PRAMEF17: variants seen among roughly 807,000 people sequenced by gnomAD.
PRAMEF17 encodes the protein PRAME family member 17.
PRAMEF17 carries 48 observed loss-of-function variants against 36.8 expected under a neutral mutation model. That is an observed-to-expected ratio of 1.30 (90% CI 1.03 to 1.66). The LOEUF (loss-of-function observed/expected upper bound fraction) is 1.66, where lower values mean the gene tolerates loss of function less well. Among genes scored for constraint, PRAMEF17 ranks in the 40% most tolerant of loss-of-function variants. The pLI is 0.00. For missense variants in PRAMEF17, 639 were observed against 560.6 expected, an observed-to-expected ratio of 1.14 and a Z score of -1.41; for synonymous variants, 246 against 220.4, an observed-to-expected ratio of 1.12 and a Z score of -1.03.
intron 2 of PRAMEF17, among the ~76,000 whole-genome samples, chr1:13,391,685 C>A (rs1640882248): frequency 6.6e-6 from 1 of 152,160 alleles, no homozygotes; most frequent in East Asian, 1.9e-4. Flanking sequence ...GCTGAAAGGA[C>A]TGAGCCTAAA....
rs1157495521 is a variant in PRAMEF17, at chr1:13,390,606, G to C, written c.553G>C (p.Val185Leu). 3 of 1,611,972 alleles carry C rather than the reference G, an allele frequency of 1.9e-6. No individual in the cohort carries two copies. The South Asian group carries it at 3.3e-5, about 18-fold the overall frequency. The change falls in exon 2 of 3, where the codon GTG (valine) becomes CTG (leucine). Residue 185 changes from valine to leucine, a missense_variant. Transcript: ENST00000376098. The part of the protein sequence containing the change: ...RGLVHLCCNK[V>L]QNYSMPTSSF... ...TCTAGTGCACCTGTGTTGTAATAAG[G>C]TGCAGAATTACTCAATGCCCACTTC...
chr1:13,389,751 C>T lies in PRAMEF17; in HGVS notation c.94C>T (p.Pro32Ser). The T allele has an allele frequency of 6.2e-7, 1 of 1,612,350 alleles. No homozygotes were observed. The highest frequency in any genetic ancestry group is 8.5e-7 in the Non-Finnish European group (1 of 1,179,980). ...GACCATCTTCATCCTGGACGAGCTG[C>T]CCAGGGAGGTCTTCCCTCTGATGTT... ...FLTIFILDEL[P>S]REVFPLMFME... The change falls in exon 1 of 3, where the codon CCC becomes TCC. Residue 32 changes from proline (P) to serine (S), a missense_variant. Transcript: ENST00000376098.
In PRAMEF17 at chr1:13,389,866, T is replaced by G; in HGVS notation, c.209T>G (p.Met70Arg). The G allele has an allele frequency of 1.2e-6, 2 of 1,613,620 alleles. No homozygotes were observed. The highest frequency in any genetic ancestry group is 8.5e-7 in the Non-Finnish European group (1 of 1,180,018). Residue 70 changes from methionine to arginine, a missense_variant, in exon 1 of 3, where the codon ATG becomes AGG. By Grantham distance (91) the Met-to-Arg change is moderately conservative. Transcript: ENST00000376098. ...PFLRLPLGSL[M>R]KTPHLETLQA... The stretch of plus-strand genomic sequence containing the variant: ...CTCCGCCTCCCTCTGGGATCCCTGA[T>G]GAAGACACCTCATCTGGAGACCTTG...
intron 1 of PRAMEF17, 151 bp downstream of exon 1, chr1:13,390,095 T>C (rs1640859763): frequency 7.2e-7 from 1 of 1,384,960 alleles, no homozygotes; most frequent in Non-Finnish European, 9.9e-7. Context: ...CCAGATCCTC[T>C]GGAAAAGGAC....
At position 13,390,859 on chromosome 1, in the gene PRAMEF17, C is replaced by A; in HGVS notation, c.806C>A (p.Pro269His). ...TGTCCATTCCTCTGCCTGTACTACC[C>A]TCAGATGCTTTATATAAGAAAGATC... Reference protein sequence around the residue: ...LDCPFLCLYYPQMLYIRKISN... With the variant: ...LDCPFLCLYYHQMLYIRKISN... Residue 269 changes from proline (P) to histidine (H), a missense_variant, in exon 2 of 3, where the codon CCT (proline) becomes CAT (histidine). Pro to His is a moderately conservative substitution (Grantham distance 77, BLOSUM62 -2). Coordinates refer to ENST00000376098, the MANE Select transcript of PRAMEF17 (RefSeq NM_001099851.3). 1 of 1,612,032 alleles carries A rather than the reference C, an allele frequency of 6.2e-7. No individual in the cohort carries two copies. Among genetic ancestry groups the A allele is most frequent in the Non-Finnish European group, 8.5e-7 (1 of 1,179,860 alleles).
Position 13,390,609 on chromosome 1 carries a change from C to A in PRAMEF17, c.556C>A (p.Gln186Lys), listed in dbSNP as rs756160055. Residue 186 changes from glutamine (Q) to lysine (K), a missense_variant, in exon 2 of 3, where the codon CAG becomes AAG. Gln to Lys is a moderately conservative substitution (Grantham distance 53). Transcript: ENST00000376098. The part of the protein sequence containing the change: ...GLVHLCCNKV[Q>K]NYSMPTSSFR... The stretch of plus-strand genomic sequence containing the variant: ...AGTGCACCTGTGTTGTAATAAGGTG[C>A]AGAATTACTCAATGCCCACTTCAAG... 3 of 1,611,958 alleles carry A rather than the reference C, an allele frequency of 1.9e-6. No homozygotes were observed. The highest frequency in any genetic ancestry group is 2.5e-6 in the Non-Finnish European group (3 of 1,179,864).
In PRAMEF17 at chr1:13,390,733, A is replaced by G. The variant is rs1640869220; in HGVS notation, c.680A>G (p.Tyr227Cys). Residue 227 changes from tyrosine to cysteine, a missense_variant, in exon 2 of 3, where the codon TAC becomes TGC. Tyr to Cys is a radical substitution (Grantham distance 194). Coordinates refer to ENST00000376098, the MANE Select transcript of PRAMEF17 (RefSeq NM_001099851.3). ...SLNKTGKFAP[Y>C]LSQMSNLRKL... is the part of the protein sequence containing the mutation. ...AATAAAACAGGAAAGTTTGCCCCTT[A>G]CTTGAGCCAGATGAGCAATCTTCGC... is the stretch of plus-strand genomic sequence containing the variant. 1.2e-6 allele frequency: 2 copies of G among 1,611,916 alleles called. No homozygotes were observed. The highest frequency in any genetic ancestry group is 1.3e-5 in the African/African-American group (1 of 74,868).
At chr1:13,391,745 C>T (rs1447050573) in intron 2 of PRAMEF17, among the ~76,000 whole-genome samples, 199 bp from the exon 3 acceptor site, 5 of 152,262 alleles carry the variant, frequency 3.3e-5, no homozygotes, top group South Asian at 2.1e-4. Context: ...GCACCTTGCA[C>T]GCAGACCATC....
At position 13,392,066 on chromosome 1, in the gene PRAMEF17, T is replaced by C; in HGVS notation, c.989T>C (p.Ile330Thr). Reference sequence around the variant, plus strand: ...CTAAAGGAGCTGCATCTGATTCATATCCTAATGTGGACTACCAATCTTGAG... The same window carrying C: ...CTAAAGGAGCTGCATCTGATTCATACCCTAATGTGGACTACCAATCTTGAG... ...SQLKELHLIHILMWTTNLEPL... is the reference protein window; with the variant it reads ...SQLKELHLIHTLMWTTNLEPL... The change falls in exon 3 of 3, where the codon ATC (isoleucine) becomes ACC (threonine). Residue 330 changes from isoleucine (I) to threonine (T), a missense_variant. Physicochemically the swap from Ile to Thr is moderately conservative, Grantham distance 89. Coordinates refer to ENST00000376098, the MANE Select transcript of PRAMEF17 (RefSeq NM_001099851.3). 6.2e-7 allele frequency: 1 copy of C among 1,611,860 alleles called. No homozygotes were observed. The highest frequency in any genetic ancestry group is 8.5e-7 in the Non-Finnish European group (1 of 1,179,820).
Position 13,389,823 on chromosome 1 carries a change from G to A in PRAMEF17, c.166G>A (p.Val56Met). The A allele has an allele frequency of 6.2e-7, 1 of 1,613,538 alleles. No individual in the cohort carries two copies. The highest frequency in any genetic ancestry group is 1.1e-5 in the South Asian group (1 of 91,038). The part of the protein sequence containing the change: ...MRHFEALKLM[V>M]QAWPFLRLPL... Reference sequence around the variant, plus strand: ...ACATTTTGAGGCCCTGAAGCTGATGGTGCAGGCCTGGCCCTTCCTCCGCCT... The same window carrying A: ...ACATTTTGAGGCCCTGAAGCTGATGATGCAGGCCTGGCCCTTCCTCCGCCT... The change falls in exon 1 of 3, where the codon GTG becomes ATG. Residue 56 changes from valine (V) to methionine (M), a missense_variant. Physicochemically the swap from Val to Met is conservative, Grantham distance 21 (BLOSUM62 1). Transcript: ENST00000376098.
Position 13,392,087 on chromosome 1 carries a change from T to C in PRAMEF17, c.1010T>C (p.Leu337Pro), listed in dbSNP as rs2100408936. 1 of 1,611,932 alleles carries C rather than the reference T, an allele frequency of 6.2e-7. No individual in the cohort carries two copies. Among genetic ancestry groups the C allele is most frequent in the African/African-American group, 1.3e-5 (1 of 74,974 alleles). ...CATATCCTAATGTGGACTACCAATCTTGAGCCCCTTGGAGCTCTGCTAGAG... is the reference window on the plus strand; with the variant it reads ...CATATCCTAATGTGGACTACCAATCCTGAGCCCCTTGGAGCTCTGCTAGAG... ...LIHILMWTTN[L>P]EPLGALLEKV... Residue 337 changes from leucine to proline, a missense_variant, in exon 3 of 3, where the codon CTT becomes CCT. By Grantham distance (98) the Leu-to-Pro change is moderately conservative. Transcript: ENST00000376098.
chr1:13,391,839 T>A, intron 2 of PRAMEF17, 105 bp from the exon 3 acceptor site: 1 of 1,504,486 alleles, frequency 6.6e-7, no homozygotes. Context: ...GGTAGTAAGG[T>A]GCAGAATTAC....
chr1:13,391,504 G>A (rs1327810420), intron 2 of PRAMEF17, among the ~76,000 whole-genome samples: 1 of 152,150 alleles, frequency 6.6e-6, no homozygotes, highest in Non-Finnish European at 1.5e-5. Context: ...GCATGTCAGG[G>A]AATCTTTGCA....
At position 13,391,957 on chromosome 1, in the gene PRAMEF17, C is replaced by A. The variant is rs2100408575; in HGVS notation, c.880C>A (p.Pro294Thr). The change falls in exon 3 of 3, where the codon CCC (proline) becomes ACC (threonine). Residue 294 changes from proline to threonine, a missense_variant. Coordinates refer to ENST00000376098, the MANE Select transcript of PRAMEF17 (RefSeq NM_001099851.3). ...TGCTCTCCCCAGGTGCCTCAAGAAC[C>A]CCTTGGGAACCTTTATATTCTGTCA... is the stretch of plus-strand genomic sequence containing the variant. ...LEHLLRCLKN[P>T]LGTFIFCHAY... The A allele has an allele frequency of 6.2e-7, 1 of 1,611,378 alleles. No individual in the cohort carries two copies. The highest frequency in any genetic ancestry group is 2.3e-4 in the Middle Eastern group (1 of 4,426).
rs1355533414 is a variant in PRAMEF17, at chr1:13,390,704, T to C, written c.651T>C (p.Ser217=). ...AGTTGGAAATTAAGAGAAAGTGCTC[T>C]CTGAATAAAACAGGAAAGTTTGCCC... is the stretch of plus-strand genomic sequence containing the variant. ...IQELEIKRKC[S]LNKTGKFAPY... Residue 217 remains serine, a synonymous_variant, in exon 2 of 3, where the codon TCT becomes TCC. Transcript: ENST00000376098. 1 of 1,611,886 alleles carries C rather than the reference T, an allele frequency of 6.2e-7. No homozygotes were observed. The highest frequency in any genetic ancestry group is 1.3e-5 in the African/African-American group (1 of 74,860).
In PRAMEF17 at chr1:13,390,399, T is replaced by C. The variant is rs755575557; in HGVS notation, c.346T>C (p.Trp116Arg). The C allele has an allele frequency of 3.1e-6, 5 of 1,611,968 alleles. No individual in the cohort carries two copies. Among genetic ancestry groups the C allele is most frequent in the East Asian group, 4.5e-5 (2 of 44,878 alleles). Reference sequence around the variant, plus strand: ...TGTTGATGGGAATTTCTGGACTATATGGTCTGGAGCCAGGGCCCTCTCCTG... The same window carrying C: ...TGTTGATGGGAATTTCTGGACTATACGGTCTGGAGCCAGGGCCCTCTCCTG... Reference protein sequence around the residue: ...RDVDGNFWTIWSGARALSCSP... With the variant: ...RDVDGNFWTIRSGARALSCSP... Residue 116 changes from tryptophan (W) to arginine (R), a missense_variant, in exon 2 of 3, where the codon TGG (tryptophan) becomes CGG (arginine). Coordinates refer to ENST00000376098, the MANE Select transcript of PRAMEF17 (RefSeq NM_001099851.3).
At chr1:13,391,117 C>T (rs1247302464) in intron 2 of PRAMEF17, among the ~76,000 whole-genome samples, 198 bp downstream of exon 2, 63 of 152,262 alleles carry the variant, frequency 4.1e-4, no homozygotes, top group Non-Finnish European at 7.5e-4. Flanking sequence ...CAAATAAGGG[C>T]GGAGGGATGG....
In PRAMEF17 at chr1:13,392,402, G is replaced by A. The variant is rs746227899; in HGVS notation, c.1325G>A (p.Arg442Lys). ...CGGGCTGAGCTGATGTGTACACTCAGGGAAGTCAGGCAGCCCAAGAGGATC... is the reference window on the plus strand; with the variant it reads ...CGGGCTGAGCTGATGTGTACACTCAAGGAAGTCAGGCAGCCCAAGAGGATC... ...PIRAELMCTLREVRQPKRIFF... is the reference protein window; with the variant it reads ...PIRAELMCTLKEVRQPKRIFF... The change falls in exon 3 of 3, where the codon AGG becomes AAG. Residue 442 changes from arginine (R) to lysine (K), a missense_variant. By Grantham distance (26) the Arg-to-Lys change is conservative. Transcript: ENST00000376098. 1 of 1,611,948 alleles carries A rather than the reference G, an allele frequency of 6.2e-7. No homozygotes were observed. Among genetic ancestry groups the A allele is most frequent in the Non-Finnish European group, 8.5e-7 (1 of 1,179,846 alleles).
rs772063689 is a variant in PRAMEF17 at position 13,390,678 on chromosome 1, G to C, written c.625G>C (p.Glu209Gln). 464 of 1,611,952 alleles carry C rather than the reference G, an allele frequency of 2.9e-4. No homozygotes were observed. The highest frequency in any genetic ancestry group is 5.7e-4 in the South Asian group (52 of 90,984). ...LKRVYPDSIQ[E>Q]LEIKRKCSLN... The stretch of plus-strand genomic sequence containing the variant: ...AAGGGTATACCCAGACAGTATCCAG[G>C]AGTTGGAAATTAAGAGAAAGTGCTC... Residue 209 changes from glutamate (E) to glutamine (Q), a missense_variant, in exon 2 of 3, where the codon GAG (glutamate) becomes CAG (glutamine). Physicochemically the swap from Glu to Gln is conservative, Grantham distance 29 (BLOSUM62 2). Coordinates refer to ENST00000376098, the MANE Select transcript of PRAMEF17 (RefSeq NM_001099851.3).
Sources: gnomAD v4.1 joint callset for allele counts (sites outside exome capture counted in the v4.1 genomes callset) on GRCh38, gnomAD v4.1.1 for gene constraint, MANE v1.5 for transcripts, NCBI Gene and HGNC (gene_info 2026-07-23, HGNC 2026-07-21) for gene names.